LYRM4: variants seen among roughly 807,000 people sequenced by gnomAD.
The protein encoded by LYRM4 is LYR motif containing 4.
A neutral mutation model predicts 11.7 loss-of-function variants in LYRM4; 9 were observed. That is an observed-to-expected ratio of 0.77 (90% confidence interval 0.46 to 1.34). The LOEUF is 1.34. Ranked by LOEUF, LYRM4 falls within the 40% of genes most tolerant of loss-of-function variation. LYRM4 has a pLI of 0.00. For missense variants in LYRM4, 133 were observed against 112.5 expected, an observed-to-expected ratio of 1.18 and a Z score of -0.82; for synonymous variants, 42 against 40.4, an observed-to-expected ratio of 1.04 and a Z score of -0.15.
intron 2 of LYRM4, among the ~76,000 whole-genome samples, chr6:5,184,971 C>G (rs1760298620): frequency 6.6e-6 from 1 of 152,214 alleles, no homozygotes; most frequent in Non-Finnish European, 1.5e-5. Flanking sequence ...CTACCTCTTG[C>G]TTTCTCTGCT....
chr6:5,126,767 T>C (rs545986734), intron 2 of LYRM4, among the ~76,000 whole-genome samples: 13 of 152,218 alleles, frequency 8.5e-5, no homozygotes, highest in South Asian at 8.3e-4. Context: ...ATATGAAATA[T>C]CCAGAACAGG....
the LYRM4 span, among the ~76,000 whole-genome samples, chr6:5,076,849 G>A: frequency 5.9e-5 from 9 of 152,174 alleles, no homozygotes; most frequent in Non-Finnish European, 7.3e-5. Flanking sequence ...ATCACGCCAA[G>A]GACCTCCGTT....
chr6:5,241,512 G>T (rs1490321733), intron 1 of LYRM4, among the ~76,000 whole-genome samples: 3 of 152,154 alleles, frequency 2.0e-5, no homozygotes, highest in Non-Finnish European at 4.4e-5. Context: ...TTGATCCCTG[G>T]AATCAGACTG....
At chr6:5,140,964 A>G (rs962876122) in intron 2 of LYRM4, among the ~76,000 whole-genome samples, 1 of 152,158 alleles carries the variant, frequency 6.6e-6, no homozygotes, top group African/African-American at 2.4e-5. Context: ...GTATTCAAGC[A>G]TTGTTTCTCT....
intron 2 of LYRM4, among the ~76,000 whole-genome samples, chr6:5,205,086 C>T (rs1761614767): frequency 6.6e-6 from 1 of 152,184 alleles, no homozygotes; most frequent in Non-Finnish European, 1.5e-5. Context: ...AAGAACAACG[C>T]TAATCCTCTG....
chr6:5,221,162 C>T (rs1385072826), intron 1 of LYRM4, among the ~76,000 whole-genome samples: 1 of 152,144 alleles, frequency 6.6e-6, no homozygotes, highest in Non-Finnish European at 1.5e-5. Context: ...GTGGGCTCAT[C>T]TCATTCTGCT....
chr6:5,063,892 C>T, the LYRM4 span, among the ~76,000 whole-genome samples: 8 of 152,184 alleles, frequency 5.3e-5, no homozygotes, highest in Non-Finnish European at 1.2e-4. Context: ...ATGCGCTGGT[C>T]CCAGGAACTG....
chr6:5,118,646 C>T (rs1217764111), intron 2 of LYRM4, among the ~76,000 whole-genome samples: 1 of 152,144 alleles, frequency 6.6e-6, no homozygotes, highest in Non-Finnish European at 1.5e-5. Flanking sequence ...TGTCAAGTCA[C>T]CAGCGATAAA....
chr6:5,187,863 T>C (rs1450009817), intron 2 of LYRM4, among the ~76,000 whole-genome samples: 2 of 151,798 alleles, frequency 1.3e-5, no homozygotes, highest in South Asian at 4.1e-4. Context: ...GGAGTATTTA[T>C]GGTATAATCT....
chr6:5,046,367 C>T, the LYRM4 span, among the ~76,000 whole-genome samples: 2 of 152,090 alleles, frequency 1.3e-5, no homozygotes, highest in Middle Eastern at 3.2e-3. Flanking sequence ...AGGATGATCT[C>T]GATCTCCTGA....
intron 2 of LYRM4, among the ~76,000 whole-genome samples, chr6:5,151,710 G>A (rs73717699): frequency 0.1 from 15,443 of 152,082 alleles, 975 homozygotes; most frequent in South Asian, 0.24. Context: ...GCATGACTAG[G>A]GGCAGATTAT....
At chr6:5,046,284 C>T in the LYRM4 span, among the ~76,000 whole-genome samples, 10,313 of 152,066 alleles carry the variant, frequency 0.068, 1,134 homozygotes, top group African/African-American at 0.23. Flanking sequence ...GTAGCTGGGA[C>T]TACAGGTGCC....
At chr6:5,227,339 A>C (rs36040167) in intron 1 of LYRM4, among the ~76,000 whole-genome samples, 1 of 152,188 alleles carries the variant, frequency 6.6e-6, no homozygotes, top group Non-Finnish European at 1.5e-5. Flanking sequence ...GCAGGCAGAG[A>C]AGGATCTATG....
the LYRM4 span, among the ~76,000 whole-genome samples, chr6:5,082,194 G>A: frequency 3.1e-4 from 47 of 152,320 alleles, no homozygotes; most frequent in South Asian, 4.1e-4. Context: ...TGGGCACCCC[G>A]TTTGCAAGTG....
chr6:5,098,780 G>A (rs1030787875), downstream of LYRM4, among the ~76,000 whole-genome samples: 3 of 152,158 alleles, frequency 2.0e-5, no homozygotes, highest in Admixed American at 6.5e-5. Context: ...GTTCTCACTT[G>A]CCAACTGTGT....
At chr6:5,085,942 G>A in the LYRM4 span, 1 of 1,527,358 alleles carries the variant, frequency 6.5e-7, no homozygotes, top group Non-Finnish European at 8.7e-7. Flanking sequence ...CGAGGCGGAG[G>A]AGCCGCAGGT....
At chr6:5,170,140 T>C (rs78814440) in intron 2 of LYRM4, among the ~76,000 whole-genome samples, 2 of 152,220 alleles carry the variant, frequency 1.3e-5, no homozygotes, top group Non-Finnish European at 2.9e-5. Flanking sequence ...CCTGGCATCT[T>C]TGGATGCCAA....
intron 2 of LYRM4, among the ~76,000 whole-genome samples, chr6:5,144,624 C>CA (rs71540849): frequency 0.14 from 5,263 of 37,494 alleles, 1,285 homozygotes; most frequent in African/African-American, 0.15. Context: ...GACTCCGTCT[C>CA]AAAAAAAAAA....
At chr6:5,150,694 C>T (rs1025351598) in intron 2 of LYRM4, among the ~76,000 whole-genome samples, 2 of 152,194 alleles carry the variant, frequency 1.3e-5, no homozygotes, top group African/African-American at 4.8e-5. Context: ...AATTCTCAAT[C>T]GAGCCTCCAG....
Sources: gnomAD v4.1 joint callset for allele counts (sites outside exome capture counted in the v4.1 genomes callset) on GRCh38, gnomAD v4.1.1 for gene constraint, MANE v1.5 for transcripts, NCBI Gene and HGNC (gene_info 2026-07-23, HGNC 2026-07-21) for gene names.